The following COL1A2 variants were observed in gnomAD, a reference collection of about 807,000 sequenced individuals.
COL1A2 encodes collagen type I alpha 2 chain.
Under a neutral mutation model 174.3 loss-of-function variants are expected in COL1A2, and 49 were observed. The observed-to-expected ratio is 0.28, with a 90% CI of 0.22 to 0.36. The LOEUF (loss-of-function observed/expected upper bound fraction) is 0.36. COL1A2 is among the 10% of genes least tolerant of loss of function. COL1A2 has a pLI of 1.00. For missense variants in COL1A2, 1,438 were observed against 1,822.7 expected, an observed-to-expected ratio of 0.79 and a Z score of 3.84; for synonymous variants, 655 against 606.6, an observed-to-expected ratio of 1.08 and a Z score of -1.17.
Position 94,422,942 on chromosome 7 carries a change from T to C in COL1A2, c.2404-15T>C, listed in dbSNP as rs906293774. The C allele has an allele frequency of 1.4e-5, 22 of 1,614,026 alleles. No homozygotes were observed. The highest frequency in any genetic ancestry group is 1.7e-5 in the Non-Finnish European group (20 of 1,179,998). On this transcript the variant is annotated splice_polypyrimidine_tract_variant and intron_variant, in intron 39 of 51. Coordinates refer to ENST00000297268, the MANE Select transcript of COL1A2 (RefSeq NM_000089.4). ...GATTAACAGAAAGGAAATGACCTTG[T>C]ACATTTGCTCATAGGGTATTTCTGG...
At chr7:94,413,638 T>G (rs1791978456) in intron 26 of COL1A2, 52 bp from the exon 27 acceptor site, 2 of 1,568,912 alleles carry the variant, frequency 1.3e-6, no homozygotes, top group Non-Finnish European at 1.8e-6. Flanking sequence ...TGAGACATCT[T>G]AAACTACCTG....
intron 25 of COL1A2, 131 bp from the exon 26 acceptor site, chr7:94,412,952 C>G: frequency 1.1e-6 from 1 of 913,906 alleles, no homozygotes; most frequent in Non-Finnish European, 1.8e-6. Flanking sequence ...CCTTAGATAA[C>G]AGAAACCACA....
Position 94,409,605 on chromosome 7 carries a change from T to C in COL1A2, c.933T>C (p.Ala311=), listed in dbSNP as rs771698061. The C allele has an allele frequency of 4.3e-6, 7 of 1,614,194 alleles. No homozygotes were observed. The highest frequency in any genetic ancestry group is 5.9e-6 in the Non-Finnish European group (7 of 1,180,014). Residue 311 remains alanine (A), a synonymous_variant, in exon 18 of 52, where the codon GCT becomes GCC. Transcript: ENST00000297268. ...ACGGCCTTACTGGTGCCAAGGGTGC[T>C]GCTGTGAGTATACCTGCGTAGCTAA... ...GANGLTGAKG[A]AGLPGVAGAP...
At chr7:94,418,354 T>C (rs1792084350) in intron 32 of COL1A2, 145 bp from the exon 33 acceptor site, 1 of 678,262 alleles carries the variant, frequency 1.5e-6, no homozygotes, top group East Asian at 2.7e-5. Flanking sequence ...TTCTACAGAA[T>C]GGTAAGGAAT....
Position 94,404,604 on chromosome 7 carries a change from A to G in COL1A2, c.324+4A>G. 1 of 1,614,022 alleles carries G rather than the reference A, an allele frequency of 6.2e-7. No homozygotes were observed. On this transcript the variant is annotated splice_donor_region_variant and intron_variant, in intron 7 of 51. Transcript: ENST00000297268. ...ACCTGGTGCAGCTGGAGCCCCAGTA[A>G]GTACTGAAAGCTTGTAATGCCTCTT...
intron 24 of COL1A2, 35 bp downstream of exon 24, chr7:94,412,156 G>T: frequency 1.3e-6 from 2 of 1,564,000 alleles, no homozygotes; most frequent in Non-Finnish European, 1.8e-6. Context: ...TATTTTCAAG[G>T]ACACTTATTG....
chr7:94,420,082 T>A, intron 34 of COL1A2, 151 bp from the exon 35 acceptor site: 1 of 1,045,432 alleles, frequency 9.6e-7, no homozygotes, highest in Non-Finnish European at 1.5e-6. Context: ...TAAGTAAAAA[T>A]CCACTTCATT....
Position 94,412,568 on chromosome 7 carries a change from AT to A in COL1A2, c.1405-15del, listed in dbSNP as rs1441247765. 1 of 1,607,342 alleles carries A rather than the reference AT, an allele frequency of 6.2e-7. No individual in the cohort carries two copies. The highest frequency in any genetic ancestry group is 1.3e-5 in the African/African-American group (1 of 74,792). On this transcript the variant is annotated splice_polypyrimidine_tract_variant and intron_variant, in intron 24 of 51. Transcript: ENST00000297268. The stretch of plus-strand genomic sequence containing the variant: ...TATGTTGACACTGAGTAAACTTGAA[AT>A]AACTCTGCTTTCAGGGCCTCCCTGG...
In COL1A2 at chr7:94,409,346, G is replaced by C. The variant is rs759205514; in HGVS notation, c.817G>C (p.Ala273Pro). ...PKGEIGAVGN[A>P]GPAGPAGPRG... ...GGGTGAAATTGGAGCTGTTGGTAAC[G>C]CTGGTCCTGCTGGTCCCGCCGGTCC... The change falls in exon 17 of 52, where the codon GCT (alanine) becomes CCT (proline). Residue 273 changes from alanine (A) to proline (P), a missense_variant. By Grantham distance (27) the Ala-to-Pro change is conservative. Transcript: ENST00000297268. 3 of 1,614,072 alleles carry C rather than the reference G, an allele frequency of 1.9e-6. No homozygotes were observed. The Admixed American group carries it at 5.0e-5, about 27-fold the overall frequency.
At chr7:94,403,669 A>G (rs1791735436) in intron 6 of COL1A2, among the ~76,000 whole-genome samples, 1 of 152,166 alleles carries the variant, frequency 6.6e-6, no homozygotes, top group Admixed American at 6.5e-5. Context: ...CACTCTAGGC[A>G]TTAATACAGT....
In COL1A2 at chr7:94,417,764, C is replaced by T; in HGVS notation, c.1904C>T (p.Pro635Leu). Reference sequence around the variant, plus strand: ...GTTGGTGCTGTGGGCACTGCTGGTCCATCTGGTCCTAGTGGACTCCCAGGA... The same window carrying T: ...GTTGGTGCTGTGGGCACTGCTGGTCTATCTGGTCCTAGTGGACTCCCAGGA... The part of the protein sequence containing the change: ...GVVGAVGTAG[P>L]SGPSGLPGER... Residue 635 changes from proline (P) to leucine (L), a missense_variant, in exon 32 of 52, where the codon CCA becomes CTA. Physicochemically the swap from Pro to Leu is moderately conservative, Grantham distance 98. Coordinates refer to ENST00000297268, the MANE Select transcript of COL1A2 (RefSeq NM_000089.4). 6.2e-7 allele frequency: 1 copy of T among 1,603,686 alleles called. No individual in the cohort carries two copies. The highest frequency in any genetic ancestry group is 8.5e-7 in the Non-Finnish European group (1 of 1,175,280).
intron 47 of COL1A2, 25 bp from the exon 48 acceptor site, chr7:94,427,163 T>C (rs1372775806): frequency 6.2e-7 from 1 of 1,608,710 alleles, no homozygotes. Context: ...CCAGCTCACA[T>C]GTACCTGGTG....
intron 46 of COL1A2, 130 bp downstream of exon 46, chr7:94,426,660 C>T (rs545885838): frequency 1.7e-5 from 13 of 782,020 alleles, no homozygotes; most frequent in Admixed American, 1.2e-4. Context: ...CTCTGGCTAA[C>T]TCCATCTCAC....
rs765470622 is a variant in COL1A2 at position 94,417,726 on chromosome 7, T to C, written c.1866T>C (p.Gly622=). 1.3e-4 allele frequency: 213 copies of C among 1,588,656 alleles called. No homozygotes were observed. Among genetic ancestry groups the C allele is most frequent in the Middle Eastern group, 1.7e-4 (1 of 6,044 alleles). ...SGPPGPDGNK[G]EPGVVGAVGT... Reference sequence around the variant, plus strand: ...ATTTCACATGTGTTTGACTCAAGGGTGAACCTGGTGTGGTTGGTGCTGTGG... The same window carrying C: ...ATTTCACATGTGTTTGACTCAAGGGCGAACCTGGTGTGGTTGGTGCTGTGG... The change falls in exon 32 of 52, where the codon GGT becomes GGC. Residue 622 remains glycine, a splice_region_variant and synonymous_variant. Coordinates refer to ENST00000297268, the MANE Select transcript of COL1A2 (RefSeq NM_000089.4).
In COL1A2 at chr7:94,419,359, T is replaced by A; in HGVS notation, c.2026-139T>A. ...TCTTGTTAATTAGAACCAAAATACA[T>A]CAGAGGCCTTCTAGATATCCAACCA... On this transcript the variant is annotated intron_variant, in intron 33 of 51. Coordinates refer to ENST00000297268, the MANE Select transcript of COL1A2 (RefSeq NM_000089.4). 3.2e-6 allele frequency: 3 copies of A among 946,164 alleles called. No individual in the cohort carries two copies. In the South Asian group the frequency reaches 4.2e-5, roughly 13 times the overall value. The allele number at this position is 946,164 out of a possible 1,614,324, so 58.6% of individuals were successfully genotyped here.
intron 30 of COL1A2, 67 bp from the exon 31 acceptor site, chr7:94,416,338 T>A: frequency 7.4e-7 from 1 of 1,355,888 alleles, no homozygotes; most frequent in South Asian, 1.3e-5. Context: ...ATGTAAACTC[T>A]CATATGTAAA....
At chr7:94,417,662 A>C (rs890886629) in intron 31 of COL1A2, 62 bp from the exon 32 acceptor site, 4 of 1,370,668 alleles carry the variant, frequency 2.9e-6, no homozygotes, top group Non-Finnish European at 4.1e-6. Context: ...ATTCTTCTAG[A>C]GTTTGATTCT....
At chr7:94,414,108 A>C in intron 28 of COL1A2, 114 bp from the exon 29 acceptor site, 9 of 1,314,914 alleles carry the variant, frequency 6.8e-6, no homozygotes, top group Non-Finnish European at 9.9e-6. Context: ...ATGCTTAATA[A>C]CATACAATCG....
chr7:94,401,613 G>C lies in COL1A2; in HGVS notation c.272G>C (p.Gly91Ala), dbSNP rs974016384. The C allele has an allele frequency of 6.3e-7, 1 of 1,589,612 alleles. No homozygotes were observed. The highest frequency in any genetic ancestry group is 8.6e-7 in the Non-Finnish European group (1 of 1,166,292). Residue 91 changes from glycine to alanine, a missense_variant, in exon 6 of 52, where the codon GGA becomes GCA. Around this residue, in one of 3 missense-constraint regions of COL1A2, gnomAD observed 281 missense variants for 310.9 expected, o/e 0.90. Transcript: ENST00000297268. ...GGAAAAGGAGTTGGACTTGGCCCTGGACCAATGGTATGCTTATCTGTTTAT... is the reference window on the plus strand; with the variant it reads ...GGAAAAGGAGTTGGACTTGGCCCTGCACCAATGGTATGCTTATCTGTTTAT... ...YDGKGVGLGP[G>A]PMGLMGPRGP...
Sources: allele counts gnomAD v4.1 joint callset (sites outside exome capture counted in the v4.1 genomes callset), GRCh38; gene constraint gnomAD v4.1.1; regional missense constraint gnomAD v4.1.1; transcripts MANE v1.5; gene names NCBI Gene and HGNC (gene_info 2026-07-23, HGNC 2026-07-21).